The following CNR2 variants were observed in gnomAD, a reference collection of about 807,000 sequenced individuals.
The protein encoded by CNR2 is cannabinoid receptor 2.
For missense variants in CNR2, 379 were observed against 439.9 expected, an observed-to-expected ratio of 0.86 and a Z score of 1.24; for synonymous variants, 172 against 182.2, an observed-to-expected ratio of 0.94 and a Z score of 0.45.
chr1:23,875,223 T>C lies in CNR2; in HGVS notation c.395A>G (p.Tyr132Cys). The C allele has an allele frequency of 6.2e-7, 1 of 1,613,928 alleles. No individual in the cohort carries two copies. Among genetic ancestry groups the C allele is most frequent in the Non-Finnish European group, 8.5e-7 (1 of 1,179,982 alleles). ...GSLLLTAIDR[Y>C]LCLRYPPSYK... Reference sequence around the variant, plus strand: ...GGAAGGTGGATAGCGCAGGCAGAGGTATCGGTCAATGGCGGTCAGCAGGAG... The same window carrying C: ...GGAAGGTGGATAGCGCAGGCAGAGGCATCGGTCAATGGCGGTCAGCAGGAG... The change falls in exon 2 of 2, where the codon TAC (tyrosine) becomes TGC (cysteine). Residue 132 changes from tyrosine to cysteine, a missense_variant. Transcript: ENST00000374472.
intron 1 of CNR2, among the ~76,000 whole-genome samples, chr1:23,912,829 C>A (rs1478675388): frequency 6.6e-6 from 1 of 152,188 alleles, no homozygotes; most frequent in East Asian, 1.9e-4. Flanking sequence ...CCCAGACAGG[C>A]CCACCTGGCT....
At chr1:23,902,031 G>T in intron 1 of CNR2, 1 of 1,600,240 alleles carries the variant, frequency 6.2e-7, no homozygotes, top group Non-Finnish European at 8.6e-7. Flanking sequence ...AGGATGTCTG[G>T]ATGTCTGACT....
chr1:23,901,645 G>C (rs1450659637), intron 1 of CNR2: 2 of 1,525,960 alleles, frequency 1.3e-6, no homozygotes, highest in South Asian at 1.1e-5. Flanking sequence ...CCATGTAGAA[G>C]GTGTCTTGTT....
chr1:23,904,716 T>C (rs1640459905), intron 1 of CNR2, among the ~76,000 whole-genome samples: 1 of 152,100 alleles, frequency 6.6e-6, no homozygotes, highest in African/African-American at 2.4e-5. Flanking sequence ...CAGTCACCCA[T>C]TCTGTCCATG....
rs552670755 is a variant in CNR2, at chr1:23,871,508, A to G, written c.*3027T>C. ...CAAAACATACGTCAGAGCTTTTCAG[A>G]AACAGTTCAGTTCCACACATATTGA... On this transcript the variant is annotated 3_prime_UTR_variant, in exon 2 of 2. Transcript: ENST00000374472. The G allele has an allele frequency of 2.9e-4, 44 of 152,378 alleles. No homozygotes were observed. The highest frequency in any genetic ancestry group is 1.1e-3 in the African/African-American group (44 of 41,592). The allele number at this position is 152,378 out of a possible 1,614,324, so 9.4% of individuals were successfully genotyped here. A position where few individuals can be genotyped will look rare whatever the true frequency, so the allele number is the denominator to read the frequency against.
intron 1 of CNR2, among the ~76,000 whole-genome samples, chr1:23,912,618 A>G (rs893601226): frequency 2.6e-5 from 4 of 152,244 alleles, no homozygotes; most frequent in African/African-American, 9.6e-5. Context: ...GTGAGGATTA[A>G]ATAAATCCAA....
chr1:23,882,523 C>G (rs1472223531), intron 1 of CNR2, among the ~76,000 whole-genome samples: 13 of 151,984 alleles, frequency 8.6e-5, no homozygotes, highest in Admixed American at 8.5e-4. Flanking sequence ...AATGCTGATA[C>G]TATCAGGTGC....
intron 1 of CNR2, chr1:23,902,750 T>C (rs1425180915): frequency 2.0e-6 from 3 of 1,528,108 alleles, no homozygotes; most frequent in Non-Finnish European, 2.6e-6. Flanking sequence ...ACCGCGCCAT[T>C]TGGGGCTCTC....
At chr1:23,896,979 A>T (rs1640296988) in intron 1 of CNR2, among the ~76,000 whole-genome samples, 1 of 149,958 alleles carries the variant, frequency 6.7e-6, no homozygotes, top group African/African-American at 2.5e-5. Context: ...GCCTCCTTCC[A>T]GCTTCAAGCA....
intron 1 of CNR2, among the ~76,000 whole-genome samples, chr1:23,912,723 T>C (rs1222093033): frequency 3.3e-5 from 5 of 152,230 alleles, no homozygotes; most frequent in African/African-American, 1.2e-4. Flanking sequence ...GCCAAAGTCC[T>C]GATTCTTGGT....
chr1:23,895,392 T>C (rs1222481849), intron 1 of CNR2, among the ~76,000 whole-genome samples: 3 of 152,196 alleles, frequency 2.0e-5, no homozygotes, highest in Non-Finnish European at 4.4e-5. Context: ...CTCACGGCTA[T>C]TATGTGAGGC....
chr1:23,901,624 A>G (rs2148469254), intron 1 of CNR2: 2 of 1,579,816 alleles, frequency 1.3e-6, no homozygotes, highest in Non-Finnish European at 1.7e-6. Context: ...TGCCGTCCAG[A>G]ACAGCACTGG....
At chr1:23,903,174 A>C (rs1001809320) in intron 1 of CNR2, among the ~76,000 whole-genome samples, 1 of 151,840 alleles carries the variant, frequency 6.6e-6, no homozygotes, top group Non-Finnish European at 1.5e-5. Flanking sequence ...AGCCTAGCGC[A>C]GCCGGGCCAG....
chr1:23,902,040 C>T, intron 1 of CNR2: 2 of 1,595,208 alleles, frequency 1.3e-6, no homozygotes, highest in Non-Finnish European at 1.7e-6. Context: ...GGATGTCTGA[C>T]TGGGCAGCGC....
At chr1:23,894,445 AAAGGAAGGAAGGAAGGAAGGAAGC>A (rs1557530129) in intron 1 of CNR2, among the ~76,000 whole-genome samples, 4 of 81,388 alleles carry the variant, frequency 4.9e-5, no homozygotes, top group Admixed American at 1.4e-4. Context: ...TTTTTTAATA[AAAGGAAGGAAGGAAGGAAGGAAGC>A]AAGGAAGGAA....
intron 1 of CNR2, among the ~76,000 whole-genome samples, chr1:23,894,821 C>T (rs559943532): frequency 1.3e-5 from 2 of 151,806 alleles, no homozygotes; most frequent in African/African-American, 4.8e-5. Context: ...ATTGGGAATC[C>T]ACTCTCTTGT....
intron 1 of CNR2, among the ~76,000 whole-genome samples, chr1:23,876,269 T>A (rs921371205): frequency 7.9e-5 from 12 of 151,480 alleles, no homozygotes; most frequent in African/African-American, 2.9e-4. Flanking sequence ...TGCAGTGGTG[T>A]GATCTCGGCT....
chr1:23,902,760 C>T, intron 1 of CNR2: 9 of 1,508,416 alleles, frequency 6.0e-6, no homozygotes, highest in Non-Finnish European at 7.9e-6. Context: ...TTGGGGCTCT[C>T]CGGGTGGTTG....
chr1:23,901,383 G>T, intron 1 of CNR2: 2 of 1,149,076 alleles, frequency 1.7e-6, no homozygotes, highest in Non-Finnish European at 2.4e-6. Context: ...ACAAGGTTAA[G>T]TGTGGCCTTT....
Sources: gnomAD v4.1 joint callset for allele counts (sites outside exome capture counted in the v4.1 genomes callset) on GRCh38, gnomAD v4.1.1 for gene constraint, MANE v1.5 for transcripts, NCBI Gene and HGNC (gene_info 2026-07-23, HGNC 2026-07-21) for gene names.